The following SHISA9 variants were observed in gnomAD, a reference collection of about 807,000 sequenced individuals.
SHISA9 encodes protein shisa-9.
SHISA9 carries 13 observed loss-of-function variants against 38.0 expected under a neutral mutation model. The ratio of observed to expected loss-of-function variants is 0.34; its 90% confidence interval spans 0.22 to 0.54. SHISA9 has a LOEUF of 0.54. SHISA9 is among the 20% of genes least tolerant of loss of function. The pLI, the probability that SHISA9 is intolerant of heterozygous loss-of-function variation, is 0.91. For synonymous variants in SHISA9, 275 were observed against 242.0 expected, an observed-to-expected ratio of 1.14 and a Z score of -1.27; for missense variants, 538 against 575.8, an observed-to-expected ratio of 0.93 and a Z score of 0.67.
chr16:13,550,753 C>A, the SHISA9 span, among the ~76,000 whole-genome samples: 3 of 152,148 alleles, frequency 2.0e-5, no homozygotes. Context: ...TAAAAGTTTT[C>A]CCTCTCAGTT....
At chr16:12,908,587 C>G in intron 1 of SHISA9, 1 of 1,551,688 alleles carries the variant, frequency 6.4e-7, no homozygotes, top group Non-Finnish European at 8.7e-7. Flanking sequence ...TCTGAGTGCA[C>G]GGATCCTTGG....
chr16:13,541,662 CAG>C, the SHISA9 span, among the ~76,000 whole-genome samples: 10 of 152,174 alleles, frequency 6.6e-5, no homozygotes, highest in African/African-American at 2.4e-4. Context: ...TGAACACACT[CAG>C]GGGTGGGGTC....
chr16:13,024,798 G>A (rs761705167), intron 2 of SHISA9, among the ~76,000 whole-genome samples: 21 of 152,094 alleles, frequency 1.4e-4, no homozygotes, highest in African/African-American at 5.1e-4. Flanking sequence ...GACCCTCAAA[G>A]TTCCTGTGTT....
intron 2 of SHISA9, among the ~76,000 whole-genome samples, chr16:13,032,188 A>G (rs1050973596): frequency 6.6e-6 from 1 of 151,922 alleles, no homozygotes; most frequent in Non-Finnish European, 1.5e-5. Context: ...CCCACCCCCA[A>G]GAGAGGCTCT....
chr16:13,528,400 G>C, the SHISA9 span, among the ~76,000 whole-genome samples: 1 of 149,264 alleles, frequency 6.7e-6, no homozygotes, highest in Admixed American at 6.7e-5. Context: ...AGAGGTCACA[G>C]AACTTGGAGT....
At chr16:13,069,757 G>C (rs773337699) in intron 2 of SHISA9, among the ~76,000 whole-genome samples, 36 of 152,124 alleles carry the variant, frequency 2.4e-4, no homozygotes, top group South Asian at 2.1e-4. Context: ...GAGGATGTGG[G>C]GCCTTTGGGA....
the SHISA9 span, among the ~76,000 whole-genome samples, chr16:13,268,575 C>A: frequency 2.0e-5 from 3 of 152,158 alleles, no homozygotes; most frequent in Non-Finnish European, 4.4e-5. Context: ...CTTAGCAGCA[C>A]ATAATGTTCC....
intron 2 of SHISA9, among the ~76,000 whole-genome samples, chr16:12,953,178 TA>T (rs55985822): frequency 5.8e-4 from 76 of 131,324 alleles, no homozygotes; most frequent in Middle Eastern, 3.8e-3. Context: ...TAAAAAAAAG[TA>T]AAAAAAAAAA....
At chr16:13,156,628 G>A (rs1197944176) in intron 2 of SHISA9, among the ~76,000 whole-genome samples, 2 of 151,684 alleles carry the variant, frequency 1.3e-5, no homozygotes, top group African/African-American at 4.9e-5. Context: ...CAGCTACTCA[G>A]GAGGCTGAGG....
intron 2 of SHISA9, among the ~76,000 whole-genome samples, chr16:12,968,669 G>T (rs1310458224): frequency 6.6e-6 from 1 of 152,218 alleles, no homozygotes; most frequent in Non-Finnish European, 1.5e-5. Flanking sequence ...TACAGACTGT[G>T]TGTGGTTCTG....
chr16:13,297,368 T>G, the SHISA9 span, among the ~76,000 whole-genome samples: 2 of 152,188 alleles, frequency 1.3e-5, no homozygotes, highest in Admixed American at 1.3e-4. Flanking sequence ...TTTAGGAAAT[T>G]GAAACAAACT....
At chr16:13,085,812 T>A (rs1410029633) in intron 2 of SHISA9, among the ~76,000 whole-genome samples, 1 of 152,092 alleles carries the variant, frequency 6.6e-6, no homozygotes, top group Non-Finnish European at 1.5e-5. Context: ...AAGGTTCTAA[T>A]AAAAAATTAT....
intron 2 of SHISA9, among the ~76,000 whole-genome samples, chr16:13,021,949 A>G (rs2072860710): frequency 6.6e-6 from 1 of 152,104 alleles, no homozygotes. Flanking sequence ...TTTCTTACCA[A>G]TTTGGAGGCA....
At chr16:13,038,584 T>C (rs961839464) in intron 2 of SHISA9, among the ~76,000 whole-genome samples, 2 of 152,220 alleles carry the variant, frequency 1.3e-5, no homozygotes, top group Non-Finnish European at 2.9e-5. Flanking sequence ...TTCTCTGTAG[T>C]TGATCATCTC....
chr16:13,468,755 T>C, the SHISA9 span, among the ~76,000 whole-genome samples: 7 of 152,022 alleles, frequency 4.6e-5, no homozygotes, highest in African/African-American at 1.7e-4. Flanking sequence ...GATGGGAGGA[T>C]TGCTTGAGAT....
At chr16:12,916,010 T>G (rs1390333375) in intron 1 of SHISA9, among the ~76,000 whole-genome samples, 10 of 116,444 alleles carry the variant, frequency 8.6e-5, no homozygotes, top group Middle Eastern at 4.3e-3. Flanking sequence ...TGTGTGTGTG[T>G]GTTTTTTTTT....
chr16:13,436,013 G>A, the SHISA9 span, among the ~76,000 whole-genome samples: 1 of 152,184 alleles, frequency 6.6e-6, no homozygotes, highest in African/African-American at 2.4e-5. Context: ...GGGCACCCTT[G>A]TAGGCCCAGT....
chr16:12,935,770 C>A (rs1247738186), intron 2 of SHISA9, among the ~76,000 whole-genome samples: 2 of 151,338 alleles, frequency 1.3e-5, no homozygotes, highest in African/African-American at 4.9e-5. Flanking sequence ...ATTACTTGAA[C>A]CTGGGGAGGT....
the SHISA9 span, among the ~76,000 whole-genome samples, chr16:13,374,192 G>A: frequency 1.2e-4 from 18 of 150,294 alleles, no homozygotes; most frequent in South Asian, 8.4e-4. Flanking sequence ...TATGCTTTAA[G>A]TTCTAGGGTA....
Sources: allele counts gnomAD v4.1 joint callset (sites outside exome capture counted in the v4.1 genomes callset), GRCh38; gene constraint gnomAD v4.1.1; transcripts MANE v1.5; gene names NCBI Gene and HGNC (gene_info 2026-07-23, HGNC 2026-07-21).